ARK2N: variants seen among roughly 807,000 people sequenced by gnomAD.
ARK2N encodes arkadia (RNF111) N-terminal like PKA signaling regulator 2N.
chr18:46,262,822 T>C, the ARK2N span: 1 of 1,136,476 alleles, frequency 8.8e-7, no homozygotes, highest in Admixed American at 2.0e-5. Flanking sequence ...ACTTGCATAC[T>C]AGGTTTATCT....
chr18:46,200,979 CTTTTTTT>C, the ARK2N span, among the ~76,000 whole-genome samples: 28 of 112,854 alleles, frequency 2.5e-4, no homozygotes, highest in African/African-American at 6.2e-4. Context: ...TTTCTTTTTT[CTTTTTTT>C]TTTTTTTTTT....
the ARK2N span, among the ~76,000 whole-genome samples, chr18:46,206,424 G>GT: frequency 1.3e-5 from 2 of 152,058 alleles, no homozygotes; most frequent in Non-Finnish European, 2.9e-5. Context: ...TCTACCTGTA[G>GT]TCCCCCAAAG....
the ARK2N span, among the ~76,000 whole-genome samples, chr18:46,260,094 T>G: frequency 6.6e-6 from 1 of 152,216 alleles, no homozygotes; most frequent in Admixed American, 6.5e-5. Flanking sequence ...GGAGGGCATC[T>G]TAAAATTTTC....
the ARK2N span, among the ~76,000 whole-genome samples, chr18:46,229,430 C>G: frequency 6.6e-6 from 1 of 151,888 alleles, no homozygotes; most frequent in Non-Finnish European, 1.5e-5. Context: ...TCACTGCAAG[C>G]TCCGTCTCCC....
At chr18:46,249,198 C>T in the ARK2N span, among the ~76,000 whole-genome samples, 1 of 152,140 alleles carries the variant, frequency 6.6e-6, no homozygotes, top group East Asian at 1.9e-4. Context: ...CAGCGCTTCC[C>T]AGAAACTCCC....
At chr18:46,179,125 G>T in the ARK2N span, among the ~76,000 whole-genome samples, 2 of 151,648 alleles carry the variant, frequency 1.3e-5, no homozygotes, top group African/African-American at 4.8e-5. Flanking sequence ...TATATTTTTG[G>T]TAGAGACGAA....
the ARK2N span, chr18:46,240,000 C>T: frequency 1.5e-5 from 24 of 1,613,444 alleles, no homozygotes; most frequent in Non-Finnish European, 2.0e-5. Flanking sequence ...TTCTTTCCTC[C>T]CTAGATGGAC....
At chr18:46,190,065 C>T in the ARK2N span, among the ~76,000 whole-genome samples, 51 of 152,040 alleles carry the variant, frequency 3.4e-4, no homozygotes, top group African/African-American at 1.1e-3. Flanking sequence ...GGCCACTGAC[C>T]TACATATTCT....
the ARK2N span, among the ~76,000 whole-genome samples, chr18:46,212,990 ATTTTTT>A: frequency 3.7e-5 from 3 of 80,498 alleles, no homozygotes; most frequent in East Asian, 6.1e-4. Context: ...TTTAAGAAGA[ATTTTTT>A]TTTTTTTTTT....
chr18:46,190,556 C>G, the ARK2N span, among the ~76,000 whole-genome samples: 2 of 151,386 alleles, frequency 1.3e-5, no homozygotes, highest in Non-Finnish European at 2.9e-5. Flanking sequence ...GTAAAACATT[C>G]ATCATTTTAA....
At chr18:46,195,811 A>T in the ARK2N span, among the ~76,000 whole-genome samples, 1 of 151,736 alleles carries the variant, frequency 6.6e-6, no homozygotes, top group Non-Finnish European at 1.5e-5. Flanking sequence ...CCTGACCTCA[A>T]GTGATCTACC....
the ARK2N span, among the ~76,000 whole-genome samples, chr18:46,197,306 C>G: frequency 2.0e-5 from 3 of 152,022 alleles, no homozygotes; most frequent in African/African-American, 7.2e-5. Context: ...GCAATCATGG[C>G]TCACTGCAAC....
At chr18:46,192,499 C>T in the ARK2N span, among the ~76,000 whole-genome samples, 7 of 151,958 alleles carry the variant, frequency 4.6e-5, no homozygotes, top group Non-Finnish European at 8.8e-5. Context: ...ATTGCTTGAA[C>T]CCGGGAGGTG....
At chr18:46,194,418 G>A in the ARK2N span, among the ~76,000 whole-genome samples, 1 of 151,828 alleles carries the variant, frequency 6.6e-6, no homozygotes, top group Non-Finnish European at 1.5e-5. Context: ...GGCCAACATG[G>A]TGGAACCCCA....
At chr18:46,205,579 C>T in the ARK2N span, among the ~76,000 whole-genome samples, 6 of 152,170 alleles carry the variant, frequency 3.9e-5, no homozygotes, top group Admixed American at 6.5e-5. Flanking sequence ...ATCTTTTGAA[C>T]TTTAATTTCT....
chr18:46,213,664 C>T, the ARK2N span, among the ~76,000 whole-genome samples: 1 of 152,024 alleles, frequency 6.6e-6, no homozygotes. Context: ...GTGAAGTAGG[C>T]TACACACAAG....
At chr18:46,216,486 G>A in the ARK2N span, 3 of 1,614,178 alleles carry the variant, frequency 1.9e-6, no homozygotes, top group Non-Finnish European at 2.5e-6. The surrounding 1 kb of genome is among the most constrained non-coding windows in gnomAD (Gnocchi z 4.3). Context: ...ACCTGCTGCA[G>A]GACAGTAGTA....
chr18:46,239,671 G>T, the ARK2N span, among the ~76,000 whole-genome samples: 1 of 152,062 alleles, frequency 6.6e-6, no homozygotes, highest in African/African-American at 2.4e-5. Context: ...TAAGAAATCA[G>T]TTCCACTTTC....
At chr18:46,186,200 A>AT in the ARK2N span, among the ~76,000 whole-genome samples, 1,727 of 145,690 alleles carry the variant, frequency 0.012, 25 homozygotes, top group African/African-American at 0.038. Flanking sequence ...ATTATCATGA[A>AT]TTTTTTTTTT....
Sources: gnomAD v4.1 joint callset for allele counts (sites outside exome capture counted in the v4.1 genomes callset) on GRCh38, gnomAD v4.1.1 for gene constraint, Gnocchi (gnomAD v3.1) non-coding constraint, MANE v1.5 for transcripts, NCBI Gene and HGNC (gene_info 2026-07-23, HGNC 2026-07-21) for gene names.